LRAT: variants seen among roughly 807,000 people sequenced by gnomAD.
The protein encoded by LRAT is lecithin retinol acyltransferase (phosphatidylcholine--retinol O-acyltransferase).
A neutral mutation model predicts 14.2 loss-of-function variants in LRAT; 11 were observed. That is an observed-to-expected ratio of 0.78 (90% CI 0.49 to 1.29). The LOEUF (loss-of-function observed/expected upper bound fraction) is 1.29. Among genes scored for constraint, LRAT ranks in the 50% most tolerant of loss-of-function variants. The pLI is 0.00. For synonymous variants in LRAT, 144 were observed against 124.8 expected, an observed-to-expected ratio of 1.15 and a Z score of -1.03; for missense variants, 274 against 292.4, an observed-to-expected ratio of 0.94 and a Z score of 0.46.
rs972217609 is a variant in LRAT at position 154,752,893 on chromosome 4, A to G, written c.*3757A>G. ...GTATATATATGTTTCTTGTTTTTCT[A>G]TTTTTCTACTTCATACTGTTAATGT... On this transcript the variant is annotated 3_prime_UTR_variant, in exon 3 of 3. Coordinates refer to ENST00000336356, the MANE Select transcript of LRAT (RefSeq NM_004744.5). The G allele has an allele frequency of 1.3e-5, 2 of 151,782 alleles. No homozygotes were observed. Among genetic ancestry groups the G allele is most frequent in the African/African-American group, 2.4e-5 (1 of 41,318 alleles). 9.4% of individuals were successfully genotyped at this position (151,782 alleles called of 1,614,324 possible). A position where few individuals can be genotyped will look rare whatever the true frequency, so the allele number is the denominator to read the frequency against.
chr4:154,747,241 G>GT (rs1259975211), intron 2 of LRAT, among the ~76,000 whole-genome samples: 1 of 152,096 alleles, frequency 6.6e-6, no homozygotes, highest in African/African-American at 2.4e-5. Context: ...CTCCTTTGTG[G>GT]TAACACTCTA....
In LRAT at chr4:154,744,202, C is replaced by A; in HGVS notation, c.-22C>A. ...TCTCCTCAGCGGCCGTACTTTGCGC[C>A]GTACCTCACCTGGCCTGCAGGTGAG... On this transcript the variant is annotated 5_prime_UTR_variant, in exon 1 of 3. Coordinates refer to ENST00000336356, the MANE Select transcript of LRAT (RefSeq NM_004744.5). 9.9e-7 allele frequency: 1 copy of A among 1,012,682 alleles called. No individual in the cohort carries two copies. Among genetic ancestry groups the A allele is most frequent in the East Asian group, 2.5e-5 (1 of 40,704 alleles). The allele number at this position is 1,012,682 out of a possible 1,614,324, so 62.7% of individuals were successfully genotyped here.
chr4:154,744,015 C>A lies in LRAT; in HGVS notation c.-209C>A. ...CTGCACCTCCGAGCACCGCGCGCGG[C>A]CCTGCCCCCGGCACGGCCCCCAGGT... On this transcript the variant is annotated 5_prime_UTR_variant, in exon 1 of 3. Coordinates refer to ENST00000336356, the MANE Select transcript of LRAT (RefSeq NM_004744.5). 1 of 424,558 alleles carries A rather than the reference C, an allele frequency of 2.4e-6. No individual in the cohort carries two copies. Among genetic ancestry groups the A allele is most frequent in the Non-Finnish European group, 4.4e-6 (1 of 229,010 alleles). The allele number at this position is 424,558 out of a possible 1,614,324, so 26.3% of individuals were successfully genotyped here.
In LRAT at chr4:154,750,264, A is replaced by C. The variant is rs1409623473; in HGVS notation, c.*1128A>C. The C allele has an allele frequency of 1.3e-5, 2 of 152,252 alleles. No individual in the cohort carries two copies. The highest frequency in any genetic ancestry group is 1.5e-5 in the Non-Finnish European group (1 of 67,968). The allele number at this position is 152,252 out of a possible 1,614,324, so 9.4% of individuals were successfully genotyped here. A position where few individuals can be genotyped will look rare whatever the true frequency, so the allele number is the denominator to read the frequency against. On this transcript the variant is annotated 3_prime_UTR_variant, in exon 3 of 3. Transcript: ENST00000336356. ...CACAGTAGTATGTAAAACCCAAACAAGTAGAACCCAAGCAAATAAAATTAT... is the reference window on the plus strand; with the variant it reads ...CACAGTAGTATGTAAAACCCAAACACGTAGAACCCAAGCAAATAAAATTAT...
rs768021519 is a variant in LRAT, at chr4:154,749,407, C to A, written c.*271C>A. ...GAATTCAGCAATATGAGAAAACCAG[C>A]CCCTAAAATGATAGCCACAAGAGAT... On this transcript the variant is annotated 3_prime_UTR_variant, in exon 3 of 3. Transcript: ENST00000336356. 2 of 438,244 alleles carry A rather than the reference C, an allele frequency of 4.6e-6. No individual in the cohort carries two copies. The highest frequency in any genetic ancestry group is 8.4e-6 in the Non-Finnish European group (2 of 239,040). The allele number at this position is 438,244 out of a possible 1,614,324, so 27.1% of individuals were successfully genotyped here.
upstream of LRAT, among the ~76,000 whole-genome samples, chr4:154,743,198 A>G (rs1388012303): frequency 6.7e-6 from 1 of 148,640 alleles, no homozygotes; most frequent in African/African-American, 2.5e-5. Context: ...CATTTGAAAA[A>G]AGAGGGGCTG....
At position 154,744,353 on chromosome 4, in the gene LRAT, G is replaced by A. The variant is rs1428786505; in HGVS notation, c.27G>A (p.Val9=). 1.1e-5 allele frequency: 17 copies of A among 1,614,022 alleles called. No individual in the cohort carries two copies. Among genetic ancestry groups the A allele is most frequent in the Non-Finnish European group, 1.4e-5 (17 of 1,180,048 alleles). ...TGAAGAACCCCATGCTGGAGGTGGT[G>A]TCTTTACTACTGGAGAAGCTGCTCC... is the stretch of plus-strand genomic sequence containing the variant. MKNPMLEV[V]SLLLEKLLLI... is the part of the protein sequence containing the mutation. Residue 9 remains valine, a synonymous_variant, in exon 2 of 3, where the codon GTG becomes GTA. Coordinates refer to ENST00000336356, the MANE Select transcript of LRAT (RefSeq NM_004744.5).
upstream of LRAT, among the ~76,000 whole-genome samples, chr4:154,743,516 A>G (rs1283302555): frequency 2.0e-5 from 3 of 152,062 alleles, no homozygotes; most frequent in Middle Eastern, 6.3e-3. Flanking sequence ...AAACAAAACG[A>G]AAGATTCGGT....
chr4:154,748,941 G>A (rs761720083), intron 2 of LRAT, 43 bp from the exon 3 acceptor site: 7 of 1,587,768 alleles, frequency 4.4e-6, no homozygotes, highest in Non-Finnish European at 8.6e-7. Context: ...ATTCTTCTTG[G>A]GTTTAGCCAC....
Position 154,752,600 on chromosome 4 carries a change from C to T in LRAT, c.*3464C>T, listed in dbSNP as rs1036740983. 5.3e-5 allele frequency: 8 copies of T among 152,092 alleles called. No homozygotes were observed. Among genetic ancestry groups the T allele is most frequent in the African/African-American group, 1.7e-4 (7 of 41,414 alleles). 9.4% of individuals were successfully genotyped at this position (152,092 alleles called of 1,614,324 possible). On this transcript the variant is annotated 3_prime_UTR_variant, in exon 3 of 3. Coordinates refer to ENST00000336356, the MANE Select transcript of LRAT (RefSeq NM_004744.5). ...GCTCAATCTCTAAAAAAAAAAGGAT[C>T]TGTATTCGTGAGAGTAGAGAGAAAG...
In LRAT at chr4:154,748,965, C is replaced by T. The variant is rs750137970; in HGVS notation, c.541-19C>T. 2 of 1,612,694 alleles carry T rather than the reference C, an allele frequency of 1.2e-6. No individual in the cohort carries two copies. The highest frequency in any genetic ancestry group is 1.1e-5 in the South Asian group (1 of 91,050). On this transcript the variant is annotated intron_variant, in intron 2 of 2. Transcript: ENST00000336356. ...GGGTTTAGCCACCTTTCCTAATTTT[C>T]CAATATTTTATTTTCCAGTTTTGTG...
In LRAT at chr4:154,749,144, C is replaced by T. The variant is rs750588461; in HGVS notation, c.*8C>T. ...CTATGGATGGCTGGCTAACTTCATA[C>T]CCCCATGTCAGTGTGTGTATTCTGT... On this transcript the variant is annotated 3_prime_UTR_variant, in exon 3 of 3. Transcript: ENST00000336356. 5 of 1,611,754 alleles carry T rather than the reference C, an allele frequency of 3.1e-6. No homozygotes were observed. The African/African-American group carries it at 4.0e-5, about 13-fold the overall frequency.
At position 154,744,325 on chromosome 4, in the gene LRAT, G is replaced by C; in HGVS notation, c.-1-1G>C. The C allele has an allele frequency of 6.2e-7, 1 of 1,614,050 alleles. No individual in the cohort carries two copies. Among genetic ancestry groups the C allele is most frequent in the Non-Finnish European group, 8.5e-7 (1 of 1,180,016 alleles). On this transcript the variant is annotated splice_acceptor_variant, in intron 1 of 2. Coordinates refer to ENST00000336356, the MANE Select transcript of LRAT (RefSeq NM_004744.5). LOFTEE classifies it low-confidence loss of function (5UTR_SPLICE). ...TCTCCAAGACGCCCTCTTCCCTGCAGGATGAAGAACCCCATGCTGGAGGTG... is the reference window on the plus strand; with the variant it reads ...TCTCCAAGACGCCCTCTTCCCTGCACGATGAAGAACCCCATGCTGGAGGTG...
At chr4:154,745,234 G>A (rs1415910830) in intron 2 of LRAT, 1 of 244,032 alleles carries the variant, frequency 4.1e-6, no homozygotes, top group Non-Finnish European at 8.2e-6. Context: ...TATTAGCAAG[G>A]ATGGTCCCGA....
intron 2 of LRAT, among the ~76,000 whole-genome samples, chr4:154,745,174 A>G (rs762119751): frequency 2.7e-5 from 4 of 150,380 alleles, no homozygotes; most frequent in Non-Finnish European, 5.9e-5. Flanking sequence ...ACCCGCCACC[A>G]CGCCCGGCTA....
chr4:154,742,730 C>T (rs979401110), upstream of LRAT, among the ~76,000 whole-genome samples: 1 of 152,162 alleles, frequency 6.6e-6, no homozygotes, highest in Non-Finnish European at 1.5e-5. Flanking sequence ...CTCCCTCACC[C>T]GGCAGCTCCC....
intron 2 of LRAT, chr4:154,745,345 G>T: frequency 5.9e-6 from 1 of 168,998 alleles, no homozygotes; most frequent in Non-Finnish European, 1.3e-5. Context: ...TAAAGTTCTA[G>T]ATTAAGTAAG....
Position 154,749,128 on chromosome 4 carries a change from G to T in LRAT, c.685G>T (p.Ala229Ser). 6.2e-7 allele frequency: 1 copy of T among 1,613,508 alleles called. No individual in the cohort carries two copies. Among genetic ancestry groups the T allele is most frequent in the Non-Finnish European group, 8.5e-7 (1 of 1,179,548 alleles). Reference sequence around the variant, plus strand: ...TTTTATTCCATTCTTCCTATGGATGGCTGGCTAACTTCATACCCCCATGTC... The same window carrying T: ...TTTTATTCCATTCTTCCTATGGATGTCTGGCTAACTTCATACCCCCATGTC... ...AIFIPFFLWM[A>S]G Residue 229 changes from alanine (A) to serine (S), a missense_variant, in exon 3 of 3, where the codon GCT (alanine) becomes TCT (serine). Physicochemically the swap from Ala to Ser is moderately conservative, Grantham distance 99. Transcript: ENST00000336356.
Position 154,749,813 on chromosome 4 carries a change from T to G in LRAT, c.*677T>G, listed in dbSNP as rs1732953963. ...AACAATTTGATTTGGCTTTACTTACTAGGAAGCCTGGAATTCATTATTTTT... is the reference window on the plus strand; with the variant it reads ...AACAATTTGATTTGGCTTTACTTACGAGGAAGCCTGGAATTCATTATTTTT... On this transcript the variant is annotated 3_prime_UTR_variant, in exon 3 of 3. Coordinates refer to ENST00000336356, the MANE Select transcript of LRAT (RefSeq NM_004744.5). 6.6e-6 allele frequency: 1 copy of G among 152,256 alleles called. No individual in the cohort carries two copies. Among genetic ancestry groups the G allele is most frequent in the South Asian group, 2.1e-4 (1 of 4,828 alleles). 9.4% of individuals were successfully genotyped at this position (152,256 alleles called of 1,614,324 possible).
Sources: allele counts gnomAD v4.1 joint callset (sites outside exome capture counted in the v4.1 genomes callset), GRCh38; gene constraint gnomAD v4.1.1; transcripts MANE v1.5; gene names NCBI Gene and HGNC (gene_info 2026-07-23, HGNC 2026-07-21).